Variants in PLIN2 observed in about 807,000 individuals in gnomAD.
PLIN2 encodes the protein perilipin 2.
In PLIN2, 33 loss-of-function variants were observed where a neutral mutation model predicts 30.6. The observed-to-expected ratio is 1.08, with a 90% CI of 0.82 to 1.44. The LOEUF is 1.44. PLIN2 is among the 40% of genes most tolerant of loss of function. The probability of loss-of-function intolerance (pLI) is 0.00; values close to 1 mark genes in which losing one functional copy is unlikely to be tolerated. For missense variants in PLIN2, 610 were observed against 531.8 expected (o/e 1.15, Z -1.45); for synonymous variants, 205 against 201.1 (o/e 1.02, Z -0.16).
At chr9:19,124,254 C>A (rs904919404) in intron 3 of PLIN2, among the ~76,000 whole-genome samples, 3 of 152,122 alleles carry the variant, frequency 2.0e-5, no homozygotes, top group Non-Finnish European at 2.9e-5. Context: ...AGTAGCCGGG[C>A]TTTCCCTGAA....
chr9:19,119,066 C>T (rs1182138731), intron 6 of PLIN2, among the ~76,000 whole-genome samples: 4 of 152,194 alleles, frequency 2.6e-5, no homozygotes, highest in South Asian at 4.1e-4. Context: ...TTTGACCTTC[C>T]TCTTCCCTGT....
downstream of PLIN2, among the ~76,000 whole-genome samples, chr9:19,114,740 G>A (rs1041033670): frequency 3.3e-5 from 5 of 152,134 alleles, no homozygotes; most frequent in African/African-American, 9.7e-5. Context: ...TTAAAAACTA[G>A]TTTGACATAT....
chr9:19,111,888 C>G (rs1818163382), downstream of PLIN2, among the ~76,000 whole-genome samples: 1 of 152,120 alleles, frequency 6.6e-6, no homozygotes, highest in Admixed American at 6.5e-5. Context: ...GTGCATACCA[C>G]TAGGCCCAGT....
intron 7 of PLIN2, among the ~76,000 whole-genome samples, chr9:19,117,278 A>G (rs552867434): frequency 1.4e-3 from 214 of 151,956 alleles, no homozygotes; most frequent in African/African-American, 4.9e-3. Context: ...CTCCCACCTC[A>G]GCCTCTCGAG....
At chr9:19,110,308 G>A (rs751632738) in intron 2 of PLIN2, among the ~76,000 whole-genome samples, 14 of 151,728 alleles carry the variant, frequency 9.2e-5, no homozygotes, top group African/African-American at 1.9e-4. Context: ...GATTACAGGC[G>A]TGAGCCACTG....
intron 4 of PLIN2, among the ~76,000 whole-genome samples, chr9:19,121,835 G>A (rs111681856): frequency 2.0e-5 from 3 of 152,286 alleles, no homozygotes; most frequent in African/African-American, 7.2e-5. Flanking sequence ...GGAGACTGAG[G>A]CAGAAGAATC....
At chr9:19,109,585 A>G (rs1818132865) in intron 2 of PLIN2, among the ~76,000 whole-genome samples, 2 of 151,918 alleles carry the variant, frequency 1.3e-5, no homozygotes, top group Admixed American at 1.3e-4. Context: ...AATAACATAA[A>G]ACGTATTACC....
In PLIN2 at chr9:19,118,441, C is replaced by G. The variant is rs1293819229; in HGVS notation, c.792G>C (p.Arg264Ser). 9.9e-6 allele frequency: 16 copies of G among 1,613,448 alleles called. No homozygotes were observed. The East Asian group carries it at 3.6e-4, about 36-fold the overall frequency. The change falls in exon 7 of 8, where the codon AGG (arginine) becomes AGC (serine). Residue 264 changes from arginine (R) to serine (S), a missense_variant. Transcript: ENST00000276914. ...TCTGATTGGCACTATACACATTCTT[C>G]CTGGCAAATTCAATCTAGACACATT... is the stretch of plus-strand genomic sequence containing the variant. ...HSTVHLIEFA[R>S]KNVYSANQKI...
chr9:19,109,796 T>G (rs1362735405), intron 2 of PLIN2, among the ~76,000 whole-genome samples: 2 of 150,850 alleles, frequency 1.3e-5, no homozygotes, highest in Non-Finnish European at 3.0e-5. Context: ...TCTCTACTAA[T>G]AATACAAAAA....
chr9:19,123,506 C>G (rs753070424), intron 4 of PLIN2, 59 bp downstream of exon 4: 7 of 1,612,794 alleles, frequency 4.3e-6, no homozygotes, highest in Non-Finnish European at 5.9e-6. Flanking sequence ...CTTGTTTTAA[C>G]AGATAGAAGA....
chr9:19,123,391 A>G, intron 4 of PLIN2, 174 bp downstream of exon 4: 1 of 1,551,524 alleles, frequency 6.4e-7, no homozygotes, highest in Non-Finnish European at 8.7e-7. Context: ...TCGTAGATAC[A>G]ACTTGACAAC....
Position 19,117,598 on chromosome 9 carries a change from G to A in PLIN2, c.912+723C>T, listed in dbSNP as rs558069924. ...AACTACCCCCACTCCAAGGCTGCCT[G>A]AGATAGTCTTCCCATATGTTTTCTT... On this transcript the variant is annotated intron_variant, in intron 7 of 7. Transcript: ENST00000276914. 4.0e-5 allele frequency among the ~76,000 whole-genome samples: 6 copies of A among 150,976 alleles called. No individual in the cohort carries two copies. The South Asian group carries it at 1.3e-3, about 32-fold the overall frequency.
downstream of PLIN2, among the ~76,000 whole-genome samples, chr9:19,114,936 G>T (rs1818200868): frequency 6.6e-6 from 1 of 152,226 alleles, no homozygotes; most frequent in Admixed American, 6.5e-5. Flanking sequence ...ACTGAGGTTA[G>T]TGACTTTTTC....
downstream of PLIN2, among the ~76,000 whole-genome samples, chr9:19,115,018 C>G (rs1818201657): frequency 6.6e-6 from 1 of 152,198 alleles, no homozygotes; most frequent in Non-Finnish European, 1.5e-5. Context: ...AGGACTCACG[C>G]TTTAACTGGT....
rs143511731 is a variant in PLIN2 at position 19,120,883 on chromosome 9, G to T, written c.592C>A (p.Leu198Ile). Residue 198 changes from leucine to isoleucine, a missense_variant, in exon 5 of 8, where the codon CTA becomes ATA. Coordinates refer to ENST00000276914, the MANE Select transcript of PLIN2 (RefSeq NM_001122.4). Reference sequence around the variant, plus strand: ...TTCAAGATAAAATTCCAGTTACCTAGTTCTTCCTCAGTGAGAGGGAGGTAC... The same window carrying T: ...TTCAAGATAAAATTCCAGTTACCTATTTCTTCCTCAGTGAGAGGGAGGTAC... The part of the protein sequence containing the change: ...EQYLPLTEEE[L>I]EKEAKKVEGF... 6.2e-7 allele frequency: 1 copy of T among 1,612,064 alleles called. No homozygotes were observed. The highest frequency in any genetic ancestry group is 8.5e-7 in the Non-Finnish European group (1 of 1,178,072).
chr9:19,121,763 C>G (rs1463092214), intron 4 of PLIN2, among the ~76,000 whole-genome samples: 1 of 152,124 alleles, frequency 6.6e-6, no homozygotes, highest in Non-Finnish European at 1.5e-5. Context: ...GAAACCCCGT[C>G]TCTACTAAAT....
rs557268226 is a variant in PLIN2 at position 19,123,405 on chromosome 9, T to C, written c.309+160A>G. 5.8e-6 allele frequency: 9 copies of C among 1,551,792 alleles called. No homozygotes were observed. The African/African-American group carries it at 1.2e-4, about 21-fold the overall frequency. Reference sequence around the variant, plus strand: ...TTCGTAGATACAACTTGACAACAGTTCAGGAAGTAAGGAAGTGGCCATTAT... The same window carrying C: ...TTCGTAGATACAACTTGACAACAGTCCAGGAAGTAAGGAAGTGGCCATTAT... On this transcript the variant is annotated intron_variant, in intron 4 of 7. Coordinates refer to ENST00000276914, the MANE Select transcript of PLIN2 (RefSeq NM_001122.4).
intron 2 of PLIN2, among the ~76,000 whole-genome samples, chr9:19,109,445 T>A (rs1050629939): frequency 2.0e-5 from 3 of 148,184 alleles, no homozygotes; most frequent in Non-Finnish European, 4.4e-5. Flanking sequence ...CCCCAGTTAC[T>A]CAGGAGGCTG....
chr9:19,109,117 T>G (rs759179127), intron 2 of PLIN2, among the ~76,000 whole-genome samples: 1 of 152,206 alleles, frequency 6.6e-6, no homozygotes, highest in Non-Finnish European at 1.5e-5. Flanking sequence ...ACAAAAGGTC[T>G]TTTTATGGTT....
Sources: allele counts gnomAD v4.1 joint callset (sites outside exome capture counted in the v4.1 genomes callset), GRCh38; gene constraint gnomAD v4.1.1; transcripts MANE v1.5; gene names NCBI Gene and HGNC (gene_info 2026-07-23, HGNC 2026-07-21).